The following CYP2B6 variants were observed in gnomAD, a reference collection of about 807,000 sequenced individuals.
CYP2B6 encodes the protein cytochrome P450 2B6.
CYP2B6 carries 35 observed loss-of-function variants against 43.4 expected under a neutral mutation model. The ratio of observed to expected loss-of-function variants is 0.81; its 90% CI spans 0.62 to 1.07. CYP2B6 has a LOEUF of 1.07. CYP2B6 is among the 50% of genes least tolerant of loss of function. The pLI is 0.00. For missense variants in CYP2B6, 624 were observed against 632.8 expected, an observed-to-expected ratio of 0.99 and a Z score of 0.15; for synonymous variants, 239 against 239.2, an observed-to-expected ratio of 1.00 and a Z score of 0.01.
chr19:41,013,025 C>T, intron 8 of CYP2B6: 1 of 624,524 alleles, frequency 1.6e-6, no homozygotes, highest in South Asian at 1.9e-5. Context: ...GCAAGCAGGA[C>T]CTTGGGCAAG....
chr19:40,996,495 T>A (rs1269020151), intron 1 of CYP2B6, among the ~76,000 whole-genome samples: 1 of 152,172 alleles, frequency 6.6e-6, no homozygotes, highest in Non-Finnish European at 1.5e-5. Flanking sequence ...GGCAGTTGAA[T>A]TAACTCCAGC....
At chr19:41,015,563 G>T (rs147533588) in intron 8 of CYP2B6, among the ~76,000 whole-genome samples, 137 of 152,266 alleles carry the variant, frequency 9.0e-4, no homozygotes, top group African/African-American at 3.0e-3. Flanking sequence ...AGCACCCTTT[G>T]TTCTTATTTT....
chr19:41,012,944 C>G, intron 8 of CYP2B6, 129 bp downstream of exon 8: 1 of 1,081,708 alleles, frequency 9.2e-7, no homozygotes, highest in East Asian at 2.4e-5. Flanking sequence ...CTGCCTTATC[C>G]CATTCCATCT....
chr19:41,009,891 A>G, intron 5 of CYP2B6, 103 bp from the exon 6 acceptor site: 1 of 1,437,622 alleles, frequency 7.0e-7, no homozygotes, highest in South Asian at 1.2e-5. Flanking sequence ...AGATAGTGTC[A>G]AAGACCTTTA....
At chr19:41,008,427 T>TG (rs1969228683) in intron 4 of CYP2B6, among the ~76,000 whole-genome samples, 1 of 134,774 alleles carries the variant, frequency 7.4e-6, no homozygotes, top group South Asian at 2.6e-4. Context: ...TCGGCCAGGC[T>TG]GGTCAACATA....
At position 41,017,046 on chromosome 19, in the gene CYP2B6, A is replaced by G; in HGVS notation, c.*219A>G. 2.5e-6 allele frequency: 1 copy of G among 401,558 alleles called. No homozygotes were observed. The highest frequency in any genetic ancestry group is 4.5e-6 in the Non-Finnish European group (1 of 221,196). The allele number at this position is 401,558 out of a possible 1,614,324, so 24.9% of individuals were successfully genotyped here. The stretch of plus-strand genomic sequence containing the variant: ...AATATACAAAATCATATATATATAT[A>G]TGTTCTTGTTTTTTGAGACAGAGTC... On this transcript the variant is annotated 3_prime_UTR_variant, in exon 9 of 9. Coordinates refer to ENST00000324071, the MANE Select transcript of CYP2B6 (RefSeq NM_000767.5).
chr19:41,004,172 C>T lies in CYP2B6; in HGVS notation c.334+9C>T, dbSNP rs1193370011. On this transcript the variant is annotated intron_variant, in intron 2 of 8. Coordinates refer to ENST00000324071, the MANE Select transcript of CYP2B6 (RefSeq NM_000767.5). ...ATTCTTCCGGGGATATGGTGAGAGC[C>T]TCAGAGGCACTGGGAGGGGGCGGGT... 9 of 1,379,068 alleles carry T rather than the reference C, an allele frequency of 6.5e-6. No homozygotes were observed. Among genetic ancestry groups the T allele is most frequent in the Non-Finnish European group, 7.1e-6 (7 of 990,848 alleles). The allele number at this position is 1,379,068 out of a possible 1,614,324, so 85.4% of individuals were successfully genotyped here. A position where few individuals can be genotyped will look rare whatever the true frequency, so the allele number is the denominator to read the frequency against.
chr19:41,001,794 C>T (rs1969093535), intron 1 of CYP2B6, among the ~76,000 whole-genome samples: 1 of 152,102 alleles, frequency 6.6e-6, no homozygotes, highest in African/African-American at 2.4e-5. Context: ...CGCTTATGGA[C>T]ATTCCATTGG....
intron 3 of CYP2B6, 34 bp downstream of exon 3, chr19:41,004,480 A>G: frequency 6.2e-7 from 1 of 1,610,544 alleles, no homozygotes; most frequent in African/African-American, 1.3e-5. Flanking sequence ...AAAGAAAGAC[A>G]ATGAAACACT....
intron 3 of CYP2B6, among the ~76,000 whole-genome samples, chr19:41,006,324 C>CTTT (rs1555792881): frequency 1.3e-5 from 1 of 75,060 alleles, no homozygotes; most frequent in African/African-American, 5.0e-5. Context: ...TGTCTAGCTA[C>CTTT]ATTTTTTTTT....
intron 8 of CYP2B6, 93 bp downstream of exon 8, chr19:41,012,908 C>T: frequency 2.9e-6 from 4 of 1,393,760 alleles, no homozygotes; most frequent in Admixed American, 1.7e-5. Flanking sequence ...ATTATTTGAG[C>T]ACTTAATATA....
intron 1 of CYP2B6, among the ~76,000 whole-genome samples, chr19:40,992,815 C>T (rs775803207): frequency 2.0e-5 from 3 of 151,974 alleles, no homozygotes; most frequent in Non-Finnish European, 4.4e-5. Context: ...CCACCGCACC[C>T]GGCCAAGACT....
At chr19:40,997,990 T>A (rs1276758681) in intron 1 of CYP2B6, among the ~76,000 whole-genome samples, 1 of 152,030 alleles carries the variant, frequency 6.6e-6, no homozygotes, top group Non-Finnish European at 1.5e-5. Context: ...TAGTCCCAGC[T>A]ACTTGGGAGA....
Position 41,012,496 on chromosome 19 carries a change from C to A in CYP2B6, c.1152+11C>A, listed in dbSNP as rs766952795. Reference sequence around the variant, plus strand: ...TACATCATCCCCAAGGTAAGACCGGCTGGAACCCCATAGCCCTCCTGTTTG... The same window carrying A: ...TACATCATCCCCAAGGTAAGACCGGATGGAACCCCATAGCCCTCCTGTTTG... On this transcript the variant is annotated intron_variant, in intron 7 of 8. Transcript: ENST00000324071. The A allele has an allele frequency of 3.1e-6, 5 of 1,614,160 alleles. No homozygotes were observed. The highest frequency in any genetic ancestry group is 3.4e-6 in the Non-Finnish European group (4 of 1,180,012).
In CYP2B6 at chr19:41,017,918, A is replaced by AT. The variant is rs1969395815; in HGVS notation, c.*1096dup. ...TCCCAGGCTGGAGTGCTATGGTGCA[A>AT]TTTTTGTTCACTGCAACCTCTGCCT... On this transcript the variant is annotated 3_prime_UTR_variant, in exon 9 of 9. Coordinates refer to ENST00000324071, the MANE Select transcript of CYP2B6 (RefSeq NM_000767.5). 1 of 150,134 alleles carries AT rather than the reference A, an allele frequency of 6.7e-6. No homozygotes were observed. Among genetic ancestry groups the AT allele is most frequent in the Admixed American group, 6.7e-5 (1 of 15,026 alleles). 9.3% of individuals were successfully genotyped at this position (150,134 alleles called of 1,614,324 possible). A position where few individuals can be genotyped will look rare whatever the true frequency, so the allele number is the denominator to read the frequency against.
Position 41,004,430 on chromosome 19 carries a change from G to T in CYP2B6, c.468G>T (p.Glu156Asp). ...AGGAGGCTCAGTGTCTGATAGAGGA[G>T]CTTCGGAAATCCAAGGGTGAGTCCT... ...IQEEAQCLIE[E>D]LRKSKGALMD... The change falls in exon 3 of 9, where the codon GAG becomes GAT. Residue 156 changes from glutamate (E) to aspartate (D), a missense_variant. Glu to Asp is a conservative substitution (Grantham distance 45, BLOSUM62 2). Coordinates refer to ENST00000324071, the MANE Select transcript of CYP2B6 (RefSeq NM_000767.5). 1.2e-6 allele frequency: 2 copies of T among 1,613,892 alleles called. No homozygotes were observed. The highest frequency in any genetic ancestry group is 1.7e-6 in the Non-Finnish European group (2 of 1,179,962).
In CYP2B6 at chr19:41,016,749, A is replaced by T; in HGVS notation, c.1398A>T (p.Glu466Asp). 2 of 1,614,220 alleles carry T rather than the reference A, an allele frequency of 1.2e-6. No homozygotes were observed. The highest frequency in any genetic ancestry group is 1.7e-6 in the Non-Finnish European group (2 of 1,180,046). The change falls in exon 9 of 9, where the codon GAA becomes GAT. Residue 466 changes from glutamate to aspartate, a missense_variant. Coordinates refer to ENST00000324071, the MANE Select transcript of CYP2B6 (RefSeq NM_000767.5). The stretch of plus-strand genomic sequence containing the variant: ...CCATGGCCAGCCCCGTGGCCCCAGA[A>T]GACATCGATCTGACACCCCAGGAGT... Reference protein sequence around the residue: ...NFSMASPVAPEDIDLTPQECG... With the variant: ...NFSMASPVAPDDIDLTPQECG...
At chr19:41,000,409 G>C (rs934264471) in intron 1 of CYP2B6, among the ~76,000 whole-genome samples, 2 of 152,146 alleles carry the variant, frequency 1.3e-5, no homozygotes, top group Non-Finnish European at 2.9e-5. Flanking sequence ...ACAAATGAAG[G>C]AGTCAGTGAG....
At chr19:41,001,180 C>A (rs1207050657) in intron 1 of CYP2B6, among the ~76,000 whole-genome samples, 1 of 152,130 alleles carries the variant, frequency 6.6e-6, no homozygotes, top group East Asian at 1.9e-4. Context: ...CCAAAGCCCT[C>A]CTAGACTAAA....
Sources: allele counts gnomAD v4.1 joint callset (sites outside exome capture counted in the v4.1 genomes callset), GRCh38; gene constraint gnomAD v4.1.1; transcripts MANE v1.5; gene names NCBI Gene and HGNC (gene_info 2026-07-23, HGNC 2026-07-21).